EPHA6: variants seen among roughly 807,000 people sequenced by gnomAD.
The protein encoded by EPHA6 is ephrin type-A receptor 6.
In EPHA6, 50 loss-of-function variants were observed where a neutral mutation model predicts 112.0. The observed-to-expected ratio is 0.45, with a 90% CI of 0.36 to 0.56. The LOEUF (loss-of-function observed/expected upper bound fraction) is 0.56, where lower values mean the gene tolerates loss of function less well. Among genes scored for constraint, EPHA6 ranks in the 20% least tolerant of loss-of-function variants. The pLI is 0.00. For synonymous variants in EPHA6, 529 were observed against 490.7 expected (o/e 1.08, Z -1.03); for missense variants, 1,280 against 1,417.4 (o/e 0.90, Z 1.56).
chr3:97,230,744 G>A (rs2078499290), intron 4 of EPHA6, among the ~76,000 whole-genome samples: 1 of 152,190 alleles, frequency 6.6e-6, no homozygotes, highest in South Asian at 2.1e-4. Flanking sequence ...GTAGCTCTGA[G>A]TTTAGGTTTA....
At chr3:97,271,776 A>G (rs1352085282) in intron 5 of EPHA6, among the ~76,000 whole-genome samples, 2 of 152,286 alleles carry the variant, frequency 1.3e-5, no homozygotes, top group Middle Eastern at 3.4e-3. Context: ...TTAGTTTTTC[A>G]TAGGTAGTCA....
chr3:96,922,588 G>T (rs532193782), intron 2 of EPHA6, among the ~76,000 whole-genome samples: 3 of 152,128 alleles, frequency 2.0e-5, no homozygotes, highest in African/African-American at 7.2e-5. Context: ...TTTAACAAAT[G>T]ATAAAAATGT....
At position 97,413,774 on chromosome 3, in the gene EPHA6, T is replaced by A. The variant is rs142773823; in HGVS notation, c.1731+8500T>A. The stretch of plus-strand genomic sequence containing the variant: ...TACAAGGCAGGCACCTAATTTACTA[T>A]CCCCAAATGATGAAGGACTAAATAC... On this transcript the variant is annotated intron_variant, in intron 6 of 17. Transcript: ENST00000389672. 3.3e-5 allele frequency among the ~76,000 whole-genome samples: 5 copies of A among 152,074 alleles called. No individual in the cohort carries two copies. In the East Asian group the frequency reaches 9.7e-4, roughly 29 times the overall value.
rs9835140 is a variant in EPHA6, at chr3:97,244,160, C to T, written c.1479C>T (p.Ser493=). The change falls in exon 5 of 18, where the codon TCC becomes TCT. Residue 493 remains serine (S), a synonymous_variant. Coordinates refer to ENST00000389672, the MANE Select transcript of EPHA6 (RefSeq NM_001080448.3). ...GACATACAGGCCTGATCAACAATTCCGTGATAGTACTTGACTTTGTGTCTC... is the reference window on the plus strand; with the variant it reads ...GACATACAGGCCTGATCAACAATTCTGTGATAGTACTTGACTTTGTGTCTC... ...IPRHTGLINN[S]VIVLDFVSHV... is the part of the protein sequence containing the mutation. The T allele has an allele frequency of 0.039, 62,289 of 1,612,924 alleles. 5,823 individuals carry two copies. Among genetic ancestry groups the T allele is most frequent in the Admixed American group, 0.29 (17,537 of 59,810 alleles).
intron 3 of EPHA6, among the ~76,000 whole-genome samples, chr3:97,219,136 T>C (rs2108529055): frequency 6.6e-6 from 1 of 152,198 alleles, no homozygotes; most frequent in African/African-American, 2.4e-5. Context: ...CCTGGCTGCT[T>C]TTATGGGCTG....
intron 4 of EPHA6, among the ~76,000 whole-genome samples, chr3:97,241,771 GT>G (rs1220773703): frequency 3.6e-4 from 37 of 103,664 alleles, no homozygotes; most frequent in South Asian, 6.4e-4. Flanking sequence ...TTTTTTTTTT[GT>G]TTTTTTTTTT....
intron 5 of EPHA6, among the ~76,000 whole-genome samples, chr3:97,279,007 G>T (rs1231952185): frequency 4.6e-5 from 7 of 152,186 alleles, no homozygotes; most frequent in Non-Finnish European, 8.8e-5. Context: ...GGTAGAAGGG[G>T]TGAAAGACTG....
intron 5 of EPHA6, among the ~76,000 whole-genome samples, chr3:97,349,294 A>G (rs2083685641): frequency 6.6e-6 from 1 of 152,088 alleles, no homozygotes; most frequent in South Asian, 2.1e-4. Flanking sequence ...ATTAATATAA[A>G]AGTAAAAAAA....
At chr3:96,828,566 G>A (rs180959731) in intron 1 of EPHA6, among the ~76,000 whole-genome samples, 3 of 152,240 alleles carry the variant, frequency 2.0e-5, no homozygotes, top group East Asian at 3.9e-4. Context: ...GCTTAGGAAT[G>A]GCTTGTCCAC....
chr3:97,129,508 CAAAAACAAACAA>C (rs2048278446), intron 3 of EPHA6, among the ~76,000 whole-genome samples: 1 of 144,020 alleles, frequency 6.9e-6, no homozygotes, highest in Admixed American at 6.8e-5. Flanking sequence ...AAAACAAAAA[CAAAAACAAACAA>C]AAAAAAAAAC....
chr3:97,070,189 T>C (rs2046309743), intron 3 of EPHA6, among the ~76,000 whole-genome samples: 1 of 152,174 alleles, frequency 6.6e-6, no homozygotes, highest in Admixed American at 6.6e-5. Context: ...ATATTATCTT[T>C]GTCATCTATT....
chr3:96,942,223 C>T (rs1301669708), intron 2 of EPHA6, among the ~76,000 whole-genome samples: 1 of 152,192 alleles, frequency 6.6e-6, no homozygotes, highest in African/African-American at 2.4e-5. Flanking sequence ...GTGGAGCCTA[C>T]AGAGGCAGGC....
chr3:97,069,916 G>T (rs906020979), intron 3 of EPHA6, among the ~76,000 whole-genome samples: 1 of 152,044 alleles, frequency 6.6e-6, no homozygotes, highest in Non-Finnish European at 1.5e-5. Context: ...AATAGAAAAG[G>T]TGTGTTTAAG....
chr3:97,177,090 G>A (rs536774522), intron 3 of EPHA6, among the ~76,000 whole-genome samples: 80 of 151,670 alleles, frequency 5.3e-4, no homozygotes, highest in African/African-American at 1.9e-3. Context: ...ATTATCATTT[G>A]ATAAAAGAAT....
chr3:97,475,245 T>A (rs2091335303), intron 7 of EPHA6, 107 bp from the exon 8 acceptor site: 3 of 790,390 alleles, frequency 3.8e-6, no homozygotes, highest in Non-Finnish European at 6.0e-6. Flanking sequence ...CCAAATATAC[T>A]GAGCTTGGCA....
Position 97,748,961 on chromosome 3 carries a change from A to T in EPHA6, c.*260A>T. 2.3e-6 allele frequency: 1 copy of T among 440,614 alleles called. No individual in the cohort carries two copies. Among genetic ancestry groups the T allele is most frequent in the Non-Finnish European group, 4.2e-6 (1 of 239,428 alleles). 27.3% of individuals were successfully genotyped at this position (440,614 alleles called of 1,614,324 possible). On this transcript the variant is annotated 3_prime_UTR_variant, in exon 18 of 18. Transcript: ENST00000389672. Reference sequence around the variant, plus strand: ...CGCAATGGTAAATAACTCAGCATGGATGTGTAATTTTGTATAAGCCGTATA... The same window carrying T: ...CGCAATGGTAAATAACTCAGCATGGTTGTGTAATTTTGTATAAGCCGTATA...
At chr3:97,178,534 T>A (rs185182843) in intron 3 of EPHA6, among the ~76,000 whole-genome samples, 135 of 152,218 alleles carry the variant, frequency 8.9e-4, no homozygotes, top group African/African-American at 3.0e-3. Flanking sequence ...GTAGGACAGG[T>A]CTAATGTTGA....
At chr3:97,481,053 T>C (rs915912275) in intron 9 of EPHA6, 6 of 418,308 alleles carry the variant, frequency 1.4e-5, no homozygotes, top group African/African-American at 1.0e-4. Flanking sequence ...GCAGAGAGGC[T>C]CCTCACTTCC....
At chr3:97,237,043 G>T (rs998948550) in intron 4 of EPHA6, among the ~76,000 whole-genome samples, 1 of 151,852 alleles carries the variant, frequency 6.6e-6, no homozygotes, top group Admixed American at 6.6e-5. Context: ...TGGCCCTCTT[G>T]CTTTTCCATC....
Sources: allele counts gnomAD v4.1 joint callset (sites outside exome capture counted in the v4.1 genomes callset), GRCh38; gene constraint gnomAD v4.1.1; transcripts MANE v1.5; gene names NCBI Gene and HGNC (gene_info 2026-07-23, HGNC 2026-07-21).